AR: variants seen among roughly 807,000 people sequenced by gnomAD.
AR encodes dihydrotestosterone receptor.
AR carries 8 observed loss-of-function variants against 53.9 expected under a neutral mutation model. That is an observed-to-expected ratio of 0.15 (90% CI 0.09 to 0.27). AR has a LOEUF of 0.27. Ranked by LOEUF, AR falls within the 10% of genes least tolerant of loss-of-function variation. AR has a pLI of 1.00. For synonymous variants in AR, 359 were observed against 316.4 expected, an observed-to-expected ratio of 1.13 and a Z score of -1.43; for missense variants, 639 against 742.5, an observed-to-expected ratio of 0.86 and a Z score of 1.62.
At chrX:67,651,477 A>G (rs1202234627) in intron 2 of AR, among the ~76,000 whole-genome samples, 2 of 111,150 alleles carry the variant, frequency 1.8e-5, no homozygotes, top group Non-Finnish European at 3.8e-5. Flanking sequence ...CAGTTCATCA[A>G]CAGGTAGTAA....
rs748766773 is a variant in AR at position 67,721,991 on chromosome X, C to T, written c.2449+28C>T. On this transcript the variant is annotated intron_variant, in intron 6 of 7. Coordinates refer to ENST00000374690, the MANE Select transcript of AR (RefSeq NM_000044.6). ...AAGTGCCTAGAAGTGCAGGGAATGC[C>T]CCCTGAGGGCACAGAGATTCAGAGA... 6.6e-6 allele frequency: 8 copies of T among 1,205,645 alleles called. No individual in the cohort carries two copies. The Admixed American group carries it at 1.5e-4, about 23-fold the overall frequency.
At chrX:67,635,768 T>C (rs920551437) in intron 1 of AR, among the ~76,000 whole-genome samples, 1 of 111,388 alleles carries the variant, frequency 9.0e-6, no homozygotes, top group Non-Finnish European at 1.9e-5. Context: ...CCTTCCGTTC[T>C]ATGGGGCACT....
chrX:67,692,279 A>G (rs2075998964), intron 3 of AR, among the ~76,000 whole-genome samples: 1 of 112,512 alleles, frequency 8.9e-6, no homozygotes, highest in Non-Finnish European at 1.9e-5. Context: ...CTAGAATTCC[A>G]AAGACCCTCA....
intron 1 of AR, among the ~76,000 whole-genome samples, chrX:67,620,454 T>G (rs1321043744): frequency 9.1e-6 from 1 of 109,373 alleles, no homozygotes; most frequent in African/African-American, 3.3e-5. Context: ...ATGGGGTAAA[T>G]GGGGAGAAAT....
intron 2 of AR, among the ~76,000 whole-genome samples, chrX:67,667,826 T>C (rs1436670558): frequency 9.0e-6 from 1 of 111,350 alleles, no homozygotes; most frequent in Non-Finnish European, 1.9e-5. Flanking sequence ...TTTTTACCTA[T>C]TGACAATGGG....
intron 1 of AR, among the ~76,000 whole-genome samples, chrX:67,631,362 G>C (rs924922014): frequency 1.6e-4 from 18 of 111,099 alleles, no homozygotes; most frequent in East Asian, 1.4e-3. Flanking sequence ...TTTCTCTAAA[G>C]TTCCCTTCTC....
At chrX:67,632,624 GT>G (rs1485960772) in intron 1 of AR, among the ~76,000 whole-genome samples, 1 of 111,990 alleles carries the variant, frequency 8.9e-6, no homozygotes, top group Non-Finnish European at 1.9e-5. Context: ...GCTGGGAGCT[GT>G]AGACCTGAGC....
intron 1 of AR, among the ~76,000 whole-genome samples, chrX:67,563,219 A>G (rs1921411406): frequency 9.0e-6 from 1 of 111,662 alleles, no homozygotes. Context: ...CCTTCGGGAA[A>G]GAAGCTGGGG....
intron 1 of AR, among the ~76,000 whole-genome samples, chrX:67,590,355 C>A (rs1274187634): frequency 4.5e-5 from 5 of 111,600 alleles, no homozygotes; most frequent in Non-Finnish European, 9.4e-5. Flanking sequence ...CATCATCTCT[C>A]CCCTGAGGAT....
chrX:67,600,363 A>G (rs1442931334), intron 1 of AR, among the ~76,000 whole-genome samples: 2 of 111,672 alleles, frequency 1.8e-5, no homozygotes, highest in African/African-American at 3.3e-5. Context: ...TTCGTCATAA[A>G]AAAATGAGAC....
Position 67,669,508 on chromosome X carries a change from A to G in AR, c.1769-16502A>G, listed in dbSNP as rs968999424. On this transcript the variant is annotated intron_variant, in intron 2 of 7. Transcript: ENST00000374690. The stretch of plus-strand genomic sequence containing the variant: ...GATCCATATGCTGAGGAAAGAATGT[A>G]TATTCTGCAGCCATTGGATAAAATT... Among the ~76,000 whole-genome samples the G allele has an allele frequency of 3.6e-4, 40 of 111,888 alleles. 1 individual carries two copies. Among genetic ancestry groups the G allele is most frequent in the Non-Finnish European group, 9.4e-5 (5 of 53,016 alleles).
In AR at chrX:67,624,904, C is replaced by CAAAAAAAAA. The variant is rs140323582; in HGVS notation, c.1617-18330_1617-18322dup. ...GTAGATTCAAGTCAAGGCAATTAGG[C>CAAAAAAAAA]AAAAAAAAAAAAAAAAAAAAAAAAA... On this transcript the variant is annotated intron_variant, in intron 1 of 7. Transcript: ENST00000374690. Among the ~76,000 whole-genome samples, 29 of 18,192 alleles carry CAAAAAAAAA rather than the reference C, an allele frequency of 1.6e-3. 1 individual carries two copies. Among genetic ancestry groups the CAAAAAAAAA allele is most frequent in the African/African-American group, 4.6e-3 (13 of 2,839 alleles). 15.8% of individuals were successfully genotyped at this position (18,192 alleles called of 115,157 possible).
intron 4 of AR, among the ~76,000 whole-genome samples, chrX:67,716,193 G>A (rs2076112555): frequency 8.9e-6 from 1 of 112,220 alleles, no homozygotes; most frequent in Admixed American, 9.4e-5. Context: ...AAGAAGATAT[G>A]GTCCCTGTCT....
chrX:67,624,203 C>T (rs1924508864), intron 1 of AR, among the ~76,000 whole-genome samples: 1 of 111,602 alleles, frequency 9.0e-6, no homozygotes, highest in African/African-American at 3.3e-5. Flanking sequence ...ATTCAACGTG[C>T]GATTTGGATG....
At chrX:67,666,676 A>G (rs1407746950) in intron 2 of AR, among the ~76,000 whole-genome samples, 3 of 111,591 alleles carry the variant, frequency 2.7e-5, no homozygotes. Context: ...ATATCCACCA[A>G]CAGTGTATGA....
intron 1 of AR, among the ~76,000 whole-genome samples, chrX:67,629,265 C>T (rs1924908284): frequency 9.3e-6 from 1 of 107,614 alleles, no homozygotes; most frequent in Non-Finnish European, 1.9e-5. Flanking sequence ...TCCATCTGGT[C>T]CTGGACTCTT....
At chrX:67,662,757 C>T (rs1927006578) in intron 2 of AR, among the ~76,000 whole-genome samples, 1 of 111,100 alleles carries the variant, frequency 9.0e-6, no homozygotes, top group African/African-American at 3.3e-5. Context: ...GTGTGGGAGT[C>T]TAAGTCTCTT....
chrX:67,630,107 A>T (rs1280238181), intron 1 of AR, among the ~76,000 whole-genome samples: 1 of 111,167 alleles, frequency 9.0e-6, no homozygotes, highest in Admixed American at 9.6e-5. Context: ...AAAAAAATGT[A>T]TATTCTGTTG....
At chrX:67,612,550 T>A (rs1382260011) in intron 1 of AR, among the ~76,000 whole-genome samples, 2 of 111,970 alleles carry the variant, frequency 1.8e-5, no homozygotes, top group East Asian at 2.8e-4. Flanking sequence ...ATAAACATCA[T>A]TTCTGTAACT....
Sources: gnomAD v4.1 joint callset for allele counts (sites outside exome capture counted in the v4.1 genomes callset) on GRCh38, gnomAD v4.1.1 for gene constraint, MANE v1.5 for transcripts, NCBI Gene and HGNC (gene_info 2026-07-23, HGNC 2026-07-21) for gene names.